FBXL7: variants seen among roughly 807,000 people sequenced by gnomAD.
FBXL7 encodes F-box and leucine rich repeat protein 7.
In FBXL7, 12 loss-of-function variants were observed where a neutral mutation model predicts 38.3. The observed-to-expected ratio is 0.31, with a 90% CI of 0.20 to 0.51. The LOEUF (loss-of-function observed/expected upper bound fraction) is 0.51, where lower values mean the gene tolerates loss of function less well. FBXL7 is among the 20% of genes least tolerant of loss of function. The probability of loss-of-function intolerance (pLI) is 0.98; values close to 1 mark genes in which losing one functional copy is unlikely to be tolerated. For missense variants in FBXL7, 567 were observed against 676.4 expected (o/e 0.84, Z 1.79); for synonymous variants, 297 against 300.9 (o/e 0.99, Z 0.13).
At chr5:15,758,801 C>A (rs1038722099) in intron 2 of FBXL7, among the ~76,000 whole-genome samples, 1 of 151,972 alleles carries the variant, frequency 6.6e-6, no homozygotes, top group African/African-American at 2.4e-5. Flanking sequence ...GCAATTAACT[C>A]GAATTGCTTC....
At chr5:15,559,481 A>C (rs1382343245) in intron 1 of FBXL7, among the ~76,000 whole-genome samples, 1 of 152,186 alleles carries the variant, frequency 6.6e-6, no homozygotes, top group Non-Finnish European at 1.5e-5. Flanking sequence ...AAATTTATAA[A>C]TGGAGAAATG....
intron 2 of FBXL7, among the ~76,000 whole-genome samples, chr5:15,744,529 T>C (rs1331849164): frequency 6.6e-6 from 1 of 152,200 alleles, no homozygotes. Context: ...TCTTCCTGTC[T>C]TCAGAGCCCT....
intron 2 of FBXL7, among the ~76,000 whole-genome samples, chr5:15,783,812 A>G (rs1737063640): frequency 6.6e-6 from 1 of 152,236 alleles, no homozygotes; most frequent in South Asian, 2.1e-4. Flanking sequence ...ACCAGAAAGC[A>G]TAATGGGAAG....
At position 15,581,733 on chromosome 5, in the gene FBXL7, TCC is replaced by T. The variant is rs546906364; in HGVS notation, c.38-34248_38-34247del. 2.6e-5 allele frequency among the ~76,000 whole-genome samples: 4 copies of T among 152,156 alleles called. No individual in the cohort carries two copies. The South Asian group carries it at 8.3e-4, about 32-fold the overall frequency. The stretch of plus-strand genomic sequence containing the variant: ...TGGTCTGTCTCCTTCTTTCCCTCTT[TCC>T]CTCTGCTTGTTTATGTGCTTGCGCA... On this transcript the variant is annotated intron_variant, in intron 1 of 3. Coordinates refer to ENST00000504595, the MANE Select transcript of FBXL7 (RefSeq NM_012304.5).
At chr5:15,898,199 C>T (rs1351394448) in intron 2 of FBXL7, among the ~76,000 whole-genome samples, 2 of 152,278 alleles carry the variant, frequency 1.3e-5, no homozygotes, top group South Asian at 2.1e-4. Context: ...AAACTCAGCC[C>T]CAGCCAGGGA....
intron 2 of FBXL7, among the ~76,000 whole-genome samples, chr5:15,677,562 A>G (rs1249433062): frequency 6.6e-6 from 1 of 152,028 alleles, no homozygotes; most frequent in Non-Finnish European, 1.5e-5. Context: ...GAAGGAAGGA[A>G]GGAAATTTCT....
chr5:15,561,180 C>T (rs1220721806), intron 1 of FBXL7, among the ~76,000 whole-genome samples: 2 of 152,172 alleles, frequency 1.3e-5, no homozygotes, highest in East Asian at 3.9e-4. Context: ...CTCTAGACTT[C>T]ATCTGCTATA....
intron 2 of FBXL7, among the ~76,000 whole-genome samples, chr5:15,879,595 GA>G (rs1480782035): frequency 6.6e-6 from 1 of 152,126 alleles, no homozygotes; most frequent in African/African-American, 2.4e-5. Context: ...GCTAAAAAAG[GA>G]AACTCTGGGA....
At chr5:15,560,813 C>T (rs998446215) in intron 1 of FBXL7, among the ~76,000 whole-genome samples, 5 of 152,108 alleles carry the variant, frequency 3.3e-5, no homozygotes, top group Admixed American at 6.6e-5. Flanking sequence ...TTGTTGTGCT[C>T]ATTCCAGTTT....
chr5:15,745,048 A>G lies in FBXL7; in HGVS notation c.127+128976A>G, dbSNP rs374730415. Among the ~76,000 whole-genome samples the G allele has an allele frequency of 1.3e-4, 20 of 152,336 alleles. No individual in the cohort carries two copies. In the East Asian group the frequency reaches 3.3e-3, roughly 25 times the overall value. ...TTTAAGATGAGATTTTGGTGGGGAC[A>G]TAGCCAAACTATATCAAGTTTGCTG... On this transcript the variant is annotated intron_variant, in intron 2 of 3. Transcript: ENST00000504595.
chr5:15,677,713 A>G (rs1742709252), intron 2 of FBXL7, among the ~76,000 whole-genome samples: 1 of 152,178 alleles, frequency 6.6e-6, no homozygotes, highest in African/African-American at 2.4e-5. Context: ...GTTTTTCAAT[A>G]AAATAACATG....
At chr5:15,669,048 C>T (rs906230519) in intron 2 of FBXL7, among the ~76,000 whole-genome samples, 2 of 152,188 alleles carry the variant, frequency 1.3e-5, no homozygotes, top group East Asian at 1.9e-4. Flanking sequence ...TGTTAGTACT[C>T]CTGTGTCACA....
At chr5:15,735,610 G>A (rs963347670) in intron 2 of FBXL7, among the ~76,000 whole-genome samples, 9 of 152,354 alleles carry the variant, frequency 5.9e-5, no homozygotes, top group Non-Finnish European at 1.3e-4. Context: ...GGAAGTACAA[G>A]CCTTGATTTC....
chr5:15,652,367 C>T (rs192286205), intron 2 of FBXL7, among the ~76,000 whole-genome samples: 10 of 152,152 alleles, frequency 6.6e-5, no homozygotes, highest in African/African-American at 1.7e-4. Context: ...CCCGGGTTCA[C>T]GCCATTCTCC....
intron 1 of FBXL7, among the ~76,000 whole-genome samples, chr5:15,519,814 T>C (rs1208268621): frequency 6.6e-6 from 1 of 152,172 alleles, no homozygotes; most frequent in African/African-American, 2.4e-5. Context: ...TATCCCCTTT[T>C]GTTACAGGAA....
At chr5:15,889,905 A>T (rs980760069) in intron 2 of FBXL7, among the ~76,000 whole-genome samples, 1 of 152,192 alleles carries the variant, frequency 6.6e-6, no homozygotes, top group South Asian at 2.1e-4. Flanking sequence ...ACACAAACAA[A>T]AAAAACCAGG....
intron 2 of FBXL7, among the ~76,000 whole-genome samples, chr5:15,924,676 GCA>G (rs1741836032): frequency 6.8e-6 from 1 of 147,336 alleles, no homozygotes; most frequent in Admixed American, 7.0e-5. Context: ...CTGTGCAGTG[GCA>G]CAGTCTCAAC....
chr5:15,904,274 C>A (rs1741303008), intron 2 of FBXL7, among the ~76,000 whole-genome samples: 1 of 152,194 alleles, frequency 6.6e-6, no homozygotes, highest in Admixed American at 6.5e-5. Context: ...CAGACCCTTT[C>A]TGACATCTTG....
chr5:15,759,968 G>A (rs1232725485), intron 2 of FBXL7, among the ~76,000 whole-genome samples: 1 of 152,134 alleles, frequency 6.6e-6, no homozygotes, highest in African/African-American at 2.4e-5. Flanking sequence ...ATTTTACTAG[G>A]TGGAATCAAT....
Sources: allele counts gnomAD v4.1 joint callset (sites outside exome capture counted in the v4.1 genomes callset), GRCh38; gene constraint gnomAD v4.1.1; transcripts MANE v1.5; gene names NCBI Gene and HGNC (gene_info 2026-07-23, HGNC 2026-07-21).